Variants in PLCXD1 observed in about 807,000 individuals in gnomAD.
PLCXD1 encodes the protein phosphatidylinositol specific phospholipase C X domain containing 1.
In PLCXD1, 45 loss-of-function variants were observed where a neutral mutation model predicts 37.8. That is an observed-to-expected ratio of 1.19 (90% CI 0.94 to 1.53). The LOEUF (loss-of-function observed/expected upper bound fraction) is 1.53, where lower values mean the gene tolerates loss of function less well. Ranked by LOEUF, PLCXD1 falls within the 40% of genes most tolerant of loss-of-function variation. The probability of loss-of-function intolerance (pLI) is 0.00; values close to 1 mark genes in which losing one functional copy is unlikely to be tolerated. For synonymous variants in PLCXD1, 246 were observed against 206.9 expected (o/e 1.19, Z -1.62); for missense variants, 539 against 454.7 (o/e 1.19, Z -1.69).
intron 5 of PLCXD1, among the ~76,000 whole-genome samples, chrX:292,631 G>T (rs1462371070): frequency 6.7e-6 from 1 of 148,196 alleles, no homozygotes; most frequent in Non-Finnish European, 1.5e-5. Context: ...TTATTTATTT[G>T]AGAGGGAGTC....
chrX:290,615 C>T (rs1446844405), intron 3 of PLCXD1, 33 bp from the exon 4 acceptor site: 2 of 1,611,730 alleles, frequency 1.2e-6, no homozygotes, highest in Non-Finnish European at 1.7e-6. Flanking sequence ...CGGCGCTCAG[C>T]CAGGCAGACA....
At chrX:296,115 TTTTG>T (rs2069799255) in intron 6 of PLCXD1, among the ~76,000 whole-genome samples, 2 of 146,836 alleles carry the variant, frequency 1.4e-5, no homozygotes, top group Non-Finnish European at 1.5e-5. Context: ...CCCGGCCTTT[TTTTG>T]TTTGTTTTGT....
chrX:279,751 G>A (rs1318778935), upstream of PLCXD1, among the ~76,000 whole-genome samples: 2 of 148,142 alleles, frequency 1.4e-5, no homozygotes, highest in East Asian at 2.0e-4. Flanking sequence ...ACCAGTCTGC[G>A]CAACAGAGCG....
At chrX:294,279 G>A (rs376572540) in intron 6 of PLCXD1, among the ~76,000 whole-genome samples, 181 of 152,062 alleles carry the variant, frequency 1.2e-3, no homozygotes, top group African/African-American at 3.4e-3. Context: ...TCAGGAGATC[G>A]AGACCATCCC....
chrX:287,565 A>G (rs867254091), intron 2 of PLCXD1, among the ~76,000 whole-genome samples: 70 of 91,118 alleles, frequency 7.7e-4, no homozygotes, highest in African/African-American at 3.5e-3. Context: ...GATACTATAT[A>G]TGTTTATATA....
At chrX:284,433 G>A in intron 2 of PLCXD1, 119 bp downstream of exon 2, 2 of 1,142,500 alleles carry the variant, frequency 1.8e-6, no homozygotes, top group South Asian at 1.4e-5. Context: ...AATCCTGGGT[G>A]TAGGGAAATC....
chrX:299,471 G>C lies in PLCXD1; in HGVS notation c.*136G>C, dbSNP rs1287021142. The C allele has an allele frequency of 3.4e-5, 25 of 739,192 alleles. No individual in the cohort carries two copies. Among genetic ancestry groups the C allele is most frequent in the Non-Finnish European group, 5.1e-5 (22 of 430,760 alleles). The allele number at this position is 739,192 out of a possible 1,614,324, so 45.8% of individuals were successfully genotyped here. ...ACGTTTTCATTTTCTTTAAAATAGA[G>C]ATGGGGTGGCTGGGCGTGGTGACTT... On this transcript the variant is annotated 3_prime_UTR_variant, in exon 7 of 7. Coordinates refer to ENST00000381657, the MANE Select transcript of PLCXD1 (RefSeq NM_018390.4).
rs1243648959 is a variant in PLCXD1 at position 289,957 on chromosome X, ACATT to A, written c.265-681_265-678del. ...ACAGGCCCCTTTCTCCCTAATAATCACATTCATTCATTCCTTTAGAGATGGAGTC... is the reference window on the plus strand; with the variant it reads ...ACAGGCCCCTTTCTCCCTAATAATCACATTCATTCCTTTAGAGATGGAGTC... On this transcript the variant is annotated intron_variant, in intron 3 of 6. Transcript: ENST00000381657. Among the ~76,000 whole-genome samples the A allele has an allele frequency of 8.6e-5, 13 of 151,752 alleles. No individual in the cohort carries two copies. The East Asian group carries it at 2.6e-3, about 30-fold the overall frequency.
intron 2 of PLCXD1, among the ~76,000 whole-genome samples, 172 bp from the exon 3 acceptor site, chrX:288,561 C>G (rs1277670505): frequency 6.6e-6 from 1 of 152,140 alleles, no homozygotes; most frequent in East Asian, 1.9e-4. Flanking sequence ...GTCGTGTTCC[C>G]AGGTTCCAGT....
At chrX:290,841 G>A (rs2069609690) in intron 4 of PLCXD1, 65 bp downstream of exon 4, 1 of 1,443,730 alleles carries the variant, frequency 6.9e-7, no homozygotes, top group Non-Finnish European at 9.4e-7. Context: ...TGGTGCAGGT[G>A]CGGCCGGGCT....
chrX:281,896 C>A (rs1210929234), intron 1 of PLCXD1, among the ~76,000 whole-genome samples: 1 of 151,934 alleles, frequency 6.6e-6, no homozygotes, highest in Non-Finnish European at 1.5e-5. Flanking sequence ...TACAGGCGTG[C>A]GCCACCACGG....
At chrX:294,582 G>C (rs1225370225) in intron 6 of PLCXD1, among the ~76,000 whole-genome samples, 1 of 150,324 alleles carries the variant, frequency 6.7e-6, no homozygotes, top group African/African-American at 2.4e-5. Flanking sequence ...GTGATCCATG[G>C]TCGCGCCACT....
upstream of PLCXD1, chrX:276,422 T>C (rs1455960361): frequency 1.3e-5 from 2 of 152,206 alleles, no homozygotes; most frequent in African/African-American, 4.8e-5. Flanking sequence ...GTTCTCCTGA[T>C]GGCAAGTCCC....
chrX:292,417 C>A (rs979725052), intron 5 of PLCXD1, among the ~76,000 whole-genome samples: 3 of 151,838 alleles, frequency 2.0e-5, no homozygotes, highest in African/African-American at 7.3e-5. Flanking sequence ...CGAGATCGCG[C>A]CACTGCATTC....
At position 290,744 on chromosome X, in the gene PLCXD1, G is replaced by A; in HGVS notation, c.361G>A (p.Val121Ile). 2 of 1,613,822 alleles carry A rather than the reference G, an allele frequency of 1.2e-6. No individual in the cohort carries two copies. Among genetic ancestry groups the A allele is most frequent in the African/African-American group, 2.7e-5 (2 of 75,030 alleles). ...GGGCTCGGAGAAGAACCTGCACTTT[G>A]TCCATATGGTGTACACAACGGCGCT... ...LEGSEKNLHFVHMVYTTALVE... is the reference protein window; with the variant it reads ...LEGSEKNLHFIHMVYTTALVE... Residue 121 changes from valine (V) to isoleucine (I), a missense_variant, in exon 4 of 7, where the codon GTC becomes ATC. By Grantham distance (29) the Val-to-Ile change is conservative. Coordinates refer to ENST00000381657, the MANE Select transcript of PLCXD1 (RefSeq NM_018390.4).
At chrX:290,573 A>G (rs2069597124) in intron 3 of PLCXD1, 75 bp from the exon 4 acceptor site, 1 of 1,550,878 alleles carries the variant, frequency 6.4e-7, no homozygotes, top group Admixed American at 1.7e-5. Flanking sequence ...GGGTGGGCCA[A>G]CCCCACAGCC....
chrX:282,947 A>T (rs1013796598), intron 1 of PLCXD1, among the ~76,000 whole-genome samples: 52 of 61,258 alleles, frequency 8.5e-4, no homozygotes, highest in African/African-American at 5.6e-3. Context: ...TATATATATT[A>T]TATATATATT....
At chrX:279,293 A>G (rs2069213230), upstream of PLCXD1, among the ~76,000 whole-genome samples, 1 of 152,068 alleles carries the variant, frequency 6.6e-6, no homozygotes, top group South Asian at 2.1e-4. Flanking sequence ...GCTGCTCCAG[A>G]CTTCTTGGCT....
At chrX:292,499 G>C (rs1442321979) in intron 5 of PLCXD1, among the ~76,000 whole-genome samples, 1 of 151,930 alleles carries the variant, frequency 6.6e-6, no homozygotes, top group Non-Finnish European at 1.5e-5. Flanking sequence ...TAAAAATAGA[G>C]ACAGGGTCAC....
Sources: allele counts gnomAD v4.1 joint callset (sites outside exome capture counted in the v4.1 genomes callset), GRCh38; gene constraint gnomAD v4.1.1; transcripts MANE v1.5; gene names NCBI Gene and HGNC (gene_info 2026-07-23, HGNC 2026-07-21).